The following PDE4B variants were observed in gnomAD, a reference collection of about 807,000 sequenced individuals.
PDE4B encodes 3',5'-cyclic-AMP phosphodiesterase 4B.
PDE4B carries 20 observed loss-of-function variants against 82.2 expected under a neutral mutation model. The ratio of observed to expected loss-of-function variants is 0.24; its 90% CI spans 0.17 to 0.35. PDE4B has a LOEUF of 0.35. PDE4B is among the 10% of genes least tolerant of loss of function. PDE4B has a pLI of 1.00. For synonymous variants in PDE4B, 320 were observed against 318.9 expected, an observed-to-expected ratio of 1.00 and a Z score of -0.04; for missense variants, 655 against 907.2, an observed-to-expected ratio of 0.72 and a Z score of 3.57.
chr1:65,819,493 G>C (rs1001070229), intron 1 of PDE4B, among the ~76,000 whole-genome samples: 1 of 64,300 alleles, frequency 1.6e-5, no homozygotes, highest in Non-Finnish European at 4.5e-5. Context: ...TCTCTTGTTT[G>C]TTTTTGTTTT....
At chr1:66,185,091 T>C (rs1206027895) in intron 3 of PDE4B, among the ~76,000 whole-genome samples, 1 of 152,144 alleles carries the variant, frequency 6.6e-6, no homozygotes, top group Non-Finnish European at 1.5e-5. Flanking sequence ...CATGCGGTGT[T>C]TGGTTTTTTT....
chr1:66,337,176 T>C (rs1250737378), intron 8 of PDE4B, among the ~76,000 whole-genome samples: 3 of 152,230 alleles, frequency 2.0e-5, no homozygotes, highest in Admixed American at 6.5e-5. Context: ...AATGTAATGA[T>C]ATGATTACAG....
chr1:66,272,894 G>C (rs1171800257), intron 7 of PDE4B, among the ~76,000 whole-genome samples: 2 of 145,700 alleles, frequency 1.4e-5, no homozygotes, highest in Admixed American at 7.1e-5. Context: ...GGGTTCAAGC[G>C]ATTTTCCTGC....
intron 3 of PDE4B, among the ~76,000 whole-genome samples, chr1:66,230,841 T>A (rs561300606): frequency 6.6e-6 from 1 of 151,478 alleles, no homozygotes; most frequent in East Asian, 1.9e-4. Context: ...AGGTCAGGAG[T>A]TTGAGACCAG....
chr1:66,354,570 G>A (rs1414892503), intron 8 of PDE4B: 1 of 1,256,578 alleles, frequency 8.0e-7, no homozygotes, highest in Non-Finnish European at 1.0e-6. Flanking sequence ...AATACATTTG[G>A]ACAGGCTCTT....
chr1:66,103,510 A>G (rs1239035296), intron 3 of PDE4B, among the ~76,000 whole-genome samples: 1 of 152,068 alleles, frequency 6.6e-6, no homozygotes, highest in Non-Finnish European at 1.5e-5. Flanking sequence ...ATTAATAGTG[A>G]TATGGTTTAG....
chr1:66,265,311 G>A (rs1010620769), intron 6 of PDE4B, among the ~76,000 whole-genome samples: 3 of 152,172 alleles, frequency 2.0e-5, no homozygotes, highest in Non-Finnish European at 4.4e-5. Context: ...GAGTCTGGTA[G>A]AAGTTCTGCA....
chr1:66,367,213 T>C (rs1663316858), intron 13 of PDE4B, among the ~76,000 whole-genome samples: 1 of 152,140 alleles, frequency 6.6e-6, no homozygotes, highest in African/African-American at 2.4e-5. Flanking sequence ...TAAAATGAAG[T>C]TTTACATCAA....
chr1:65,851,769 T>G (rs1646335603), intron 1 of PDE4B, among the ~76,000 whole-genome samples: 1 of 152,000 alleles, frequency 6.6e-6, no homozygotes, highest in Non-Finnish European at 1.5e-5. Context: ...TGTATGGTTT[T>G]TATCTCTTTT....
intron 8 of PDE4B, among the ~76,000 whole-genome samples, chr1:66,340,852 A>G (rs1055482051): frequency 6.6e-6 from 1 of 152,206 alleles, no homozygotes; most frequent in African/African-American, 2.4e-5. Flanking sequence ...AAAAATTATC[A>G]GTAAATAAAA....
At chr1:65,998,802 A>G (rs1251051704) in intron 3 of PDE4B, among the ~76,000 whole-genome samples, 1 of 151,486 alleles carries the variant, frequency 6.6e-6, no homozygotes, top group Non-Finnish European at 1.5e-5. Flanking sequence ...GGAAAACCCT[A>G]TTAGCTCAGT....
chr1:66,167,685 T>C (rs1646761968), intron 3 of PDE4B, among the ~76,000 whole-genome samples: 1 of 152,200 alleles, frequency 6.6e-6, no homozygotes, highest in Non-Finnish European at 1.5e-5. Context: ...TCTATGGAAG[T>C]GAAAAAGAAA....
chr1:66,334,133 C>T (rs901253949), intron 8 of PDE4B, among the ~76,000 whole-genome samples: 20 of 152,238 alleles, frequency 1.3e-4, no homozygotes, highest in African/African-American at 3.6e-4. Context: ...TGGTAATTGA[C>T]GGCTATGCAA....
At chr1:66,178,706 A>G (rs1018240389) in intron 3 of PDE4B, among the ~76,000 whole-genome samples, 3 of 152,210 alleles carry the variant, frequency 2.0e-5, no homozygotes, top group Non-Finnish European at 2.9e-5. Flanking sequence ...GGAGGACTAT[A>G]TAAGATATGC....
chr1:66,304,238 G>A (rs930087931), intron 7 of PDE4B, among the ~76,000 whole-genome samples: 3 of 152,080 alleles, frequency 2.0e-5, no homozygotes, highest in Non-Finnish European at 4.4e-5. Flanking sequence ...AAACATTACA[G>A]GCATTGTGCT....
chr1:66,087,978 C>G (rs1034381958), intron 3 of PDE4B, among the ~76,000 whole-genome samples: 4 of 151,504 alleles, frequency 2.6e-5, no homozygotes, highest in Admixed American at 2.0e-4. Flanking sequence ...TGTAACTAAC[C>G]TGCACATTGT....
chr1:65,969,382 G>A (rs182917097), intron 3 of PDE4B, among the ~76,000 whole-genome samples: 31 of 152,226 alleles, frequency 2.0e-4, no homozygotes, highest in Admixed American at 7.2e-4. Flanking sequence ...TCACAGAGGG[G>A]CAGGAAGTAC....
chr1:65,936,258 G>A (rs899490112), intron 3 of PDE4B, among the ~76,000 whole-genome samples: 56 of 151,932 alleles, frequency 3.7e-4, no homozygotes, highest in African/African-American at 1.2e-3. Context: ...ACCTGTCTGA[G>A]GCTGTCTTAC....
chr1:66,160,884 T>C (rs1365571758), intron 3 of PDE4B, among the ~76,000 whole-genome samples: 1 of 152,228 alleles, frequency 6.6e-6, no homozygotes, highest in Non-Finnish European at 1.5e-5. Context: ...TTCATGATCA[T>C]GAGCCAAGTT....
Sources: allele counts gnomAD v4.1 joint callset (sites outside exome capture counted in the v4.1 genomes callset), GRCh38; gene constraint gnomAD v4.1.1; transcripts MANE v1.5; gene names NCBI Gene and HGNC (gene_info 2026-07-23, HGNC 2026-07-21).